The following TEF variants were observed in gnomAD, a reference collection of about 807,000 sequenced individuals.
TEF encodes the protein TEF transcription factor, PAR bZIP family member.
In TEF, 3 loss-of-function variants were observed where a neutral mutation model predicts 20.8. The observed-to-expected ratio is 0.14, with a 90% confidence interval of 0.07 to 0.37. The LOEUF is 0.37. TEF is among the 10% of genes least tolerant of loss of function. The probability of loss-of-function intolerance (pLI) is 1.00; values close to 1 mark genes in which losing one functional copy is unlikely to be tolerated. For missense variants in TEF, 296 were observed against 397.9 expected, an observed-to-expected ratio of 0.74 and a Z score of 2.18; for synonymous variants, 180 against 171.1, an observed-to-expected ratio of 1.05 and a Z score of -0.41.
At chr22:41,374,184 G>A (rs1415798364) in intron 1 of TEF, among the ~76,000 whole-genome samples, 8 of 151,962 alleles carry the variant, frequency 5.3e-5, no homozygotes, top group Non-Finnish European at 1.5e-5. Flanking sequence ...AGTGGGAGGA[G>A]TGCTTGAGCC....
Position 41,394,126 on chromosome 22 carries a change from C to G in TEF, c.506C>G (p.Pro169Arg), listed in dbSNP as rs1377760814. 3 of 1,614,040 alleles carry G rather than the reference C, an allele frequency of 1.9e-6. No homozygotes were observed. Among genetic ancestry groups the G allele is most frequent in the Non-Finnish European group, 2.5e-6 (3 of 1,180,002 alleles). The change falls in exon 3 of 4, where the codon CCC (proline) becomes CGC (arginine). Residue 169 changes from proline (P) to arginine (R), a missense_variant. By Grantham distance (103) the Pro-to-Arg change is moderately radical (BLOSUM62 -2). Coordinates refer to ENST00000266304, the MANE Select transcript of TEF (RefSeq NM_003216.4). ...ESSLEKERET[P>R]SPIDPNCVEV... Reference sequence around the variant, plus strand: ...TCCCTGGAGAAGGAGAGGGAGACTCCCAGTCCCATCGACCCCAATTGTGTG... The same window carrying G: ...TCCCTGGAGAAGGAGAGGGAGACTCGCAGTCCCATCGACCCCAATTGTGTG...
chr22:41,389,020 A>T (rs1007101045), intron 2 of TEF, among the ~76,000 whole-genome samples: 1 of 151,996 alleles, frequency 6.6e-6, no homozygotes, highest in African/African-American at 2.4e-5. Context: ...GGGTTCTTTT[A>T]AAAAAAACAT....
At chr22:41,386,966 C>T (rs1366643243) in intron 1 of TEF, among the ~76,000 whole-genome samples, 3 of 152,162 alleles carry the variant, frequency 2.0e-5, no homozygotes, top group Non-Finnish European at 4.4e-5. Context: ...ATCGCTTGAA[C>T]CCAGGAGGTG....
upstream of TEF, among the ~76,000 whole-genome samples, chr22:41,380,640 G>C (rs1412966449): frequency 5.3e-5 from 8 of 152,186 alleles, no homozygotes; most frequent in Admixed American, 5.2e-4. Context: ...CGGGAGTTAA[G>C]CGGGGAGTCT....
At chr22:41,394,004 G>A in intron 2 of TEF, 92 bp from the exon 3 acceptor site, 2 of 1,232,410 alleles carry the variant, frequency 1.6e-6, no homozygotes, top group Non-Finnish European at 2.3e-6. Context: ...GGCTTATGCA[G>A]CCTTGAGGTT....
chr22:41,371,900 G>A (rs954896666), intron 1 of TEF, among the ~76,000 whole-genome samples: 1 of 152,166 alleles, frequency 6.6e-6, no homozygotes, highest in Non-Finnish European at 1.5e-5. Flanking sequence ...GGGTACAGGA[G>A]GGGGCCTTGG....
intron 1 of TEF, among the ~76,000 whole-genome samples, chr22:41,375,516 C>T (rs919909139): frequency 6.6e-5 from 10 of 152,038 alleles, no homozygotes; most frequent in Non-Finnish European, 1.0e-4. Context: ...TTTGGGAGGC[C>T]GAGGCGGGCG....
Position 41,397,451 on chromosome 22 carries a change from A to G in TEF, c.*1491A>G, listed in dbSNP as rs998051303. Reference sequence around the variant, plus strand: ...CTATGGTGAAGAGGAGACAGAGGCGATGGGCGTGCTTCGTCCTCCGTAACA... The same window carrying G: ...CTATGGTGAAGAGGAGACAGAGGCGGTGGGCGTGCTTCGTCCTCCGTAACA... On this transcript the variant is annotated 3_prime_UTR_variant, in exon 4 of 4. Coordinates refer to ENST00000266304, the MANE Select transcript of TEF (RefSeq NM_003216.4). 1.1e-4 allele frequency: 25 copies of G among 217,632 alleles called. No homozygotes were observed. 13.5% of individuals were successfully genotyped at this position (217,632 alleles called of 1,614,324 possible). A position where few individuals can be genotyped will look rare whatever the true frequency, so the allele number is the denominator to read the frequency against.
intron 1 of TEF, among the ~76,000 whole-genome samples, chr22:41,371,456 CA>C (rs942108427): frequency 2.0e-4 from 31 of 152,206 alleles, no homozygotes; most frequent in African/African-American, 6.8e-4. Context: ...AGTCAGGCCA[CA>C]AATCCTAATT....
At chr22:41,374,507 G>A (rs373707654) in intron 1 of TEF, among the ~76,000 whole-genome samples, 6 of 151,380 alleles carry the variant, frequency 4.0e-5, no homozygotes, top group Non-Finnish European at 7.4e-5. Context: ...AGCCGAGATC[G>A]CGCCACTGCA....
At chr22:41,372,631 C>T (rs897117018) in intron 1 of TEF, among the ~76,000 whole-genome samples, 7 of 152,136 alleles carry the variant, frequency 4.6e-5, no homozygotes, top group Non-Finnish European at 1.0e-4. Context: ...CGTAGCTCTT[C>T]GTCACCCAGC....
chr22:41,387,247 G>A lies in TEF; in HGVS notation c.158-104G>A, dbSNP rs551335922. ...TTCTTGAAATGCATGGGTTGGAATC[G>A]GGGCTCTGAGAAAGATGGGCCAGGC... is the stretch of plus-strand genomic sequence containing the variant. On this transcript the variant is annotated intron_variant, in intron 1 of 3. Coordinates refer to ENST00000266304, the MANE Select transcript of TEF (RefSeq NM_003216.4). 869 of 1,248,976 alleles carry A rather than the reference G, an allele frequency of 7.0e-4. 8 individuals are homozygous for A. Among genetic ancestry groups the A allele is most frequent in the Non-Finnish European group, 1.0e-4 (90 of 885,792 alleles). 77.4% of individuals were successfully genotyped at this position (1,248,976 alleles called of 1,614,324 possible). A position where few individuals can be genotyped will look rare whatever the true frequency, so the allele number is the denominator to read the frequency against.
At chr22:41,391,287 G>C (rs1270682133) in intron 2 of TEF, among the ~76,000 whole-genome samples, 1 of 151,832 alleles carries the variant, frequency 6.6e-6, no homozygotes, top group East Asian at 1.9e-4. Flanking sequence ...TTTTTTGTTG[G>C]GGTTGGAGGC....
Position 41,394,202 on chromosome 22 carries a change from T to C in TEF, c.582T>C (p.Ser194=), listed in dbSNP as rs1401068386. The change falls in exon 3 of 4, where the codon AGT becomes AGC. Residue 194 remains serine, a synonymous_variant. Transcript: ENST00000266304. The part of the protein sequence containing the change: ...NPDPADLVLS[S]VPGGELFNPR... ...ACCCCGCCGACCTGGTGCTCTCCAG[T>C]GTGCCAGGCGGGGAGCTCTTCAACC... The C allele has an allele frequency of 3.1e-6, 5 of 1,614,134 alleles. No homozygotes were observed. The East Asian group carries it at 6.7e-5, about 22-fold the overall frequency.
rs964372591 is a variant in TEF, at chr22:41,398,797, G to C, written c.*2837G>C. 2 of 152,366 alleles carry C rather than the reference G, an allele frequency of 1.3e-5. No individual in the cohort carries two copies. The highest frequency in any genetic ancestry group is 2.4e-5 in the African/African-American group (1 of 41,452). 9.4% of individuals were successfully genotyped at this position (152,366 alleles called of 1,614,324 possible). On this transcript the variant is annotated 3_prime_UTR_variant, in exon 4 of 4. Coordinates refer to ENST00000266304, the MANE Select transcript of TEF (RefSeq NM_003216.4). The stretch of plus-strand genomic sequence containing the variant: ...CCTTTGGCCTGAGGCAGGGCGGGAG[G>C]CATGCAAGCCAGTGGGGGAAAACCC...
Position 41,388,844 on chromosome 22 carries a change from A to AT in TEF, c.475+1185dup, listed in dbSNP as rs201814440. On this transcript the variant is annotated intron_variant, in intron 2 of 3. Coordinates refer to ENST00000266304, the MANE Select transcript of TEF (RefSeq NM_003216.4). ...CACACCCAATAAGTTCTCATACTCT[A>AT]TTTTTTTTTCTTTTTATTGTGGAAA... is the stretch of plus-strand genomic sequence containing the variant. Among the ~76,000 whole-genome samples, 52 of 150,998 alleles carry AT rather than the reference A, an allele frequency of 3.4e-4. No individual in the cohort carries two copies. In the East Asian group the frequency reaches 5.4e-3, roughly 16 times the overall value.
Position 41,382,171 on chromosome 22 carries a change from A to G in TEF, c.127A>G (p.Met43Val). 8.9e-7 allele frequency: 1 copy of G among 1,118,164 alleles called. No homozygotes were observed. The highest frequency in any genetic ancestry group is 1.1e-6 in the Non-Finnish European group (1 of 916,942). The allele number at this position is 1,118,164 out of a possible 1,614,324, so 69.3% of individuals were successfully genotyped here. ...GSFPLVLKKL[M>V]ENPPREARLD... Reference sequence around the variant, plus strand: ...CTTCCCCCTGGTCCTGAAGAAGCTGATGGAGAACCCCCCGCGCGAGGCGCG... The same window carrying G: ...CTTCCCCCTGGTCCTGAAGAAGCTGGTGGAGAACCCCCCGCGCGAGGCGCG... Residue 43 changes from methionine (M) to valine (V), a missense_variant, in exon 1 of 4, where the codon ATG (methionine) becomes GTG (valine). By Grantham distance (21) the Met-to-Val change is conservative. This residue lies in a region of TEF where 102 missense variants were observed against 80.1 expected (regional missense o/e 1.27). Coordinates refer to ENST00000266304, the MANE Select transcript of TEF (RefSeq NM_003216.4).
upstream of TEF, among the ~76,000 whole-genome samples, chr22:41,377,016 G>A (rs1464118551): frequency 6.6e-6 from 1 of 152,064 alleles, no homozygotes; most frequent in Non-Finnish European, 1.5e-5. Flanking sequence ...TGGTTTTTTG[G>A]AGACAGGGTC....
At chr22:41,370,196 C>A (rs1042281074) in intron 1 of TEF, 1 of 688,148 alleles carries the variant, frequency 1.5e-6, no homozygotes, top group African/African-American at 2.0e-5. Context: ...CTCACTGCAA[C>A]CTCTGCCTCC....
Sources: gnomAD v4.1 joint callset for allele counts (sites outside exome capture counted in the v4.1 genomes callset) on GRCh38, gnomAD v4.1.1 for gene constraint, gnomAD v4.1.1 regional missense constraint, MANE v1.5 for transcripts, NCBI Gene and HGNC (gene_info 2026-07-23, HGNC 2026-07-21) for gene names.